Variants in HGF observed in about 807,000 individuals in gnomAD.
HGF encodes the protein hepatocyte growth factor.
A neutral mutation model predicts 111.6 loss-of-function variants in HGF; 39 were observed. The observed-to-expected ratio is 0.35, with a 90% confidence interval of 0.27 to 0.46. The LOEUF (loss-of-function observed/expected upper bound fraction) is 0.46, where lower values mean the gene tolerates loss of function less well. Ranked by LOEUF, HGF falls within the 20% of genes least tolerant of loss-of-function variation. The pLI, the probability that HGF is intolerant of heterozygous loss-of-function variation, is 1.00. For missense variants in HGF, 735 were observed against 910.5 expected (o/e 0.81, Z 2.48); for synonymous variants, 285 against 294.8 (o/e 0.97, Z 0.34).
At chr7:81,717,495 G>T in intron 10 of HGF, 130 bp from the exon 11 acceptor site, 1 of 933,160 alleles carries the variant, frequency 1.1e-6, no homozygotes, top group Non-Finnish European at 1.7e-6. Context: ...TACTTGGGAT[G>T]AATTTTAGCT....
Position 81,729,687 on chromosome 7 carries a change from T to C in HGF, c.958A>G (p.Ile320Val). 1 of 1,613,864 alleles carries C rather than the reference T, an allele frequency of 6.2e-7. No individual in the cohort carries two copies. The highest frequency in any genetic ancestry group is 1.7e-5 in the Admixed American group (1 of 60,014). Residue 320 changes from isoleucine to valine, a missense_variant, in exon 8 of 18, where the codon ATT (isoleucine) becomes GTT (valine). Ile to Val is a conservative substitution (Grantham distance 29, BLOSUM62 3). Around this residue, in one of 3 missense-constraint regions of HGF, gnomAD observed 553 missense variants for 685.6 expected, o/e 0.81. Transcript: ENST00000222390. ...GEGYRGTVNT[I>V]WNGIPCQRWD... is the part of the protein sequence containing the mutation. The stretch of plus-strand genomic sequence containing the variant: ...CGCTGACATGGAATTCCATTCCAAA[T>C]GGTATTGACAGTGCCCCTGTAGCCT...
At chr7:81,758,139 A>G (rs1788874333) in intron 3 of HGF, among the ~76,000 whole-genome samples, 2 of 152,200 alleles carry the variant, frequency 1.3e-5, no homozygotes, top group African/African-American at 4.8e-5. Flanking sequence ...CCTAGTGAAC[A>G]TAATATCAGA....
intron 7 of HGF, among the ~76,000 whole-genome samples, chr7:81,739,946 T>C (rs1197863744): frequency 1.3e-5 from 2 of 152,134 alleles, no homozygotes; most frequent in African/African-American, 4.8e-5. Context: ...CTCAACTTCT[T>C]TCAGTTTTCT....
intron 11 of HGF, among the ~76,000 whole-genome samples, chr7:81,714,735 G>A (rs1040281357): frequency 6.6e-6 from 1 of 151,882 alleles, no homozygotes; most frequent in African/African-American, 2.4e-5. Flanking sequence ...TACATGTTTT[G>A]TAAAAGAATT....
chr7:81,759,023 A>G (rs1788929313), intron 2 of HGF, among the ~76,000 whole-genome samples: 1 of 152,198 alleles, frequency 6.6e-6, no homozygotes, highest in African/African-American at 2.4e-5. Context: ...AGATTTAAAT[A>G]TCAGATTGAA....
At chr7:81,733,031 T>C (rs1258768380) in intron 7 of HGF, among the ~76,000 whole-genome samples, 1 of 152,160 alleles carries the variant, frequency 6.6e-6, no homozygotes, top group Non-Finnish European at 1.5e-5. Flanking sequence ...CTTTTAAAAA[T>C]AGCAATGATA....
intron 5 of HGF, chr7:81,751,217 C>T: frequency 1.1e-6 from 1 of 949,630 alleles, no homozygotes; most frequent in Non-Finnish European, 1.3e-6. Context: ...ACTTGGACAG[C>T]ATTCCAGTAG....
chr7:81,723,961 A>G (rs1236063948), intron 9 of HGF, among the ~76,000 whole-genome samples: 1 of 152,046 alleles, frequency 6.6e-6, no homozygotes, highest in African/African-American at 2.4e-5. Flanking sequence ...ATTCCATAAA[A>G]CTAATATTTT....
intron 4 of HGF, chr7:81,755,986 A>G (rs1485101822): frequency 4.3e-6 from 3 of 701,456 alleles, no homozygotes; most frequent in Non-Finnish European, 7.8e-6. Context: ...TTTCCTAATG[A>G]AGAATCATCT....
At chr7:81,705,622 C>T (rs931329793) in intron 16 of HGF, 25 bp downstream of exon 16, 4 of 1,591,416 alleles carry the variant, frequency 2.5e-6, no homozygotes, top group Non-Finnish European at 3.4e-6. Context: ...ATAAATATGG[C>T]CTCATCTTTT....
chr7:81,701,733 A>C lies in HGF; in HGVS notation c.*848T>G, dbSNP rs1789284733. ...TTACCCTCTTTCCTTTAAGAATTAG[A>C]AACTACATGAAATAACTAGGATAAT... On this transcript the variant is annotated 3_prime_UTR_variant, in exon 18 of 18. Transcript: ENST00000222390. The C allele has an allele frequency of 6.6e-6, 1 of 151,658 alleles. No individual in the cohort carries two copies. The highest frequency in any genetic ancestry group is 1.5e-5 in the Non-Finnish European group (1 of 67,700). The allele number at this position is 151,658 out of a possible 1,614,324, so 9.4% of individuals were successfully genotyped here. A position where few individuals can be genotyped will look rare whatever the true frequency, so the allele number is the denominator to read the frequency against.
intron 7 of HGF, among the ~76,000 whole-genome samples, chr7:81,737,283 A>G (rs145871327): frequency 6.6e-6 from 1 of 152,228 alleles, no homozygotes; most frequent in Non-Finnish European, 1.5e-5. Context: ...CATGAAGAAA[A>G]TCAGGGTAAA....
chr7:81,741,554 C>A (rs1788001635), intron 7 of HGF, among the ~76,000 whole-genome samples: 1 of 149,886 alleles, frequency 6.7e-6, no homozygotes, highest in African/African-American at 2.5e-5. Flanking sequence ...GGTGAATATG[C>A]AGGTGAGTGT....
chr7:81,706,294 G>C lies in HGF; in HGVS notation c.1750C>G (p.Leu584Val). ...TCTTCTAAAGTAACTAACCTGGCAA[G>C]CTTCATTAAAACCAGATCTGATCCT... ...PEGSDLVLMK[L>V]ARPAVLDDFV... is the part of the protein sequence containing the mutation. Residue 584 changes from leucine (L) to valine (V), a missense_variant, in exon 15 of 18, where the codon CTT (leucine) becomes GTT (valine). Transcript: ENST00000222390. The C allele has an allele frequency of 3.1e-6, 5 of 1,612,486 alleles. No individual in the cohort carries two copies. Among genetic ancestry groups the C allele is most frequent in the Non-Finnish European group, 2.5e-6 (3 of 1,178,954 alleles).
intron 9 of HGF, among the ~76,000 whole-genome samples, chr7:81,724,656 T>C (rs559245206): frequency 2.0e-5 from 3 of 152,278 alleles, no homozygotes; most frequent in Admixed American, 2.0e-4. Context: ...GTTGGGTGCA[T>C]AGATTATTTT....
chr7:81,743,329 G>C (rs2116020306), intron 7 of HGF, 24 bp downstream of exon 7: 1 of 1,297,570 alleles, frequency 7.7e-7, no homozygotes, highest in South Asian at 1.2e-5. Context: ...GGAAAAGGAA[G>C]CAATAAATTT....
At chr7:81,711,023 A>G (rs555079809) in intron 12 of HGF, among the ~76,000 whole-genome samples, 1 of 152,328 alleles carries the variant, frequency 6.6e-6, no homozygotes, top group Admixed American at 6.5e-5. Flanking sequence ...ACTGAATATC[A>G]TAGACTGTGT....
At position 81,700,402 on chromosome 7, in the gene HGF, T is replaced by C. The variant is rs1789250383; in HGVS notation, c.*2179A>G. 1 of 151,626 alleles carries C rather than the reference T, an allele frequency of 6.6e-6. No homozygotes were observed. The highest frequency in any genetic ancestry group is 2.1e-4 in the South Asian group (1 of 4,828). The allele number at this position is 151,626 out of a possible 1,614,324, so 9.4% of individuals were successfully genotyped here. A position where few individuals can be genotyped will look rare whatever the true frequency, so the allele number is the denominator to read the frequency against. ...TTTATTGGTGGTATTGTTTTTAGCC[T>C]TTAATAAAATGAAAAATACTAGCCT... On this transcript the variant is annotated 3_prime_UTR_variant, in exon 18 of 18. Transcript: ENST00000222390.
At chr7:81,719,765 A>G (rs949181457) in intron 10 of HGF, among the ~76,000 whole-genome samples, 4 of 152,152 alleles carry the variant, frequency 2.6e-5, no homozygotes, top group Non-Finnish European at 4.4e-5. Flanking sequence ...GTGTGAAGTA[A>G]ATTAACTGAA....
Sources: allele counts gnomAD v4.1 joint callset (sites outside exome capture counted in the v4.1 genomes callset), GRCh38; gene constraint gnomAD v4.1.1; regional missense constraint gnomAD v4.1.1; transcripts MANE v1.5; gene names NCBI Gene and HGNC (gene_info 2026-07-23, HGNC 2026-07-21).